CALN1: variants seen among roughly 807,000 people sequenced by gnomAD.
The protein encoded by CALN1 is calneuron 1.
In CALN1, 17 loss-of-function variants were observed where a neutral mutation model predicts 30.6. The ratio of observed to expected loss-of-function variants is 0.56; its 90% confidence interval spans 0.38 to 0.83. The LOEUF (loss-of-function observed/expected upper bound fraction) is 0.83. Among genes scored for constraint, CALN1 ranks in the 40% least tolerant of loss-of-function variants. CALN1 has a pLI of 0.00. For synonymous variants in CALN1, 156 were observed against 131.4 expected, an observed-to-expected ratio of 1.19 and a Z score of -1.28; for missense variants, 291 against 354.9, an observed-to-expected ratio of 0.82 and a Z score of 1.45.
chr7:71,929,779 T>C (rs1368330108), intron 5 of CALN1, among the ~76,000 whole-genome samples: 1 of 152,210 alleles, frequency 6.6e-6, no homozygotes, highest in African/African-American at 2.4e-5. Context: ...ATGGAGTATA[T>C]GGTAATTGTT....
intron 4 of CALN1, among the ~76,000 whole-genome samples, chr7:72,036,566 G>C (rs372314332): frequency 6.8e-4 from 103 of 151,900 alleles, no homozygotes; most frequent in African/African-American, 2.4e-3. Flanking sequence ...AATTTCCTTT[G>C]TCCTATCTTC....
intron 2 of CALN1, among the ~76,000 whole-genome samples, chr7:72,381,298 A>G (rs1804885477): frequency 6.6e-6 from 1 of 152,198 alleles, no homozygotes; most frequent in Non-Finnish European, 1.5e-5. Flanking sequence ...AGGATCGAGA[A>G]CCAGAAATAC....
chr7:72,104,429 T>C (rs1371301798), intron 4 of CALN1, among the ~76,000 whole-genome samples: 1 of 152,180 alleles, frequency 6.6e-6, no homozygotes, highest in Non-Finnish European at 1.5e-5. Flanking sequence ...GGGGTCCATG[T>C]GCAGGATGTG....
intron 4 of CALN1, among the ~76,000 whole-genome samples, chr7:72,074,827 C>G (rs181662642): frequency 1.2e-3 from 180 of 152,310 alleles, no homozygotes; most frequent in Non-Finnish European, 1.5e-3. Flanking sequence ...AGATGTCTAC[C>G]ATGTGTAGGA....
At chr7:72,422,655 T>G (rs1033300922) in intron 1 of CALN1, among the ~76,000 whole-genome samples, 2 of 152,224 alleles carry the variant, frequency 1.3e-5, no homozygotes, top group African/African-American at 4.8e-5. Flanking sequence ...AAATTGTCAT[T>G]TACCTGTTTC....
intron 3 of CALN1, among the ~76,000 whole-genome samples, chr7:72,191,308 G>T (rs1255717654): frequency 6.6e-6 from 1 of 152,060 alleles, no homozygotes; most frequent in Admixed American, 6.6e-5. Context: ...AGAAATGAAG[G>T]ATGGCAGAGG....
intron 3 of CALN1, among the ~76,000 whole-genome samples, chr7:72,190,971 TTC>T (rs1434403692): frequency 1.3e-5 from 2 of 152,224 alleles, no homozygotes; most frequent in Admixed American, 1.3e-4. Flanking sequence ...CCATTTCTAA[TTC>T]TGTTATATCT....
chr7:71,945,723 G>A (rs959628994), intron 5 of CALN1, among the ~76,000 whole-genome samples: 8 of 152,186 alleles, frequency 5.3e-5, no homozygotes, highest in African/African-American at 1.7e-4. Context: ...CTAGCTGCAG[G>A]AAAACAGGCT....
chr7:72,275,927 A>G (rs1797303601), intron 3 of CALN1, among the ~76,000 whole-genome samples: 1 of 152,126 alleles, frequency 6.6e-6, no homozygotes, highest in Non-Finnish European at 1.5e-5. Flanking sequence ...ATGCACCCCC[A>G]CAGTAGCCCT....
intron 1 of CALN1, among the ~76,000 whole-genome samples, chr7:72,427,323 G>C (rs1439747051): frequency 1.3e-5 from 2 of 152,066 alleles, no homozygotes; most frequent in African/African-American, 4.8e-5. Context: ...ATTTTCCTTA[G>C]CTCAACTAGG....
the CALN1 span, among the ~76,000 whole-genome samples, chr7:72,463,626 C>T: frequency 6.6e-6 from 1 of 152,138 alleles, no homozygotes; most frequent in South Asian, 2.1e-4. Context: ...GCAGTGCAAT[C>T]ACAGCCCACT....
intron 5 of CALN1, among the ~76,000 whole-genome samples, chr7:71,848,601 G>C (rs1318067040): frequency 6.6e-6 from 1 of 152,002 alleles, no homozygotes; most frequent in African/African-American, 2.4e-5. Flanking sequence ...CATCTGTTTT[G>C]TGTTCTCAAT....
At chr7:72,470,071 A>G in the CALN1 span, among the ~76,000 whole-genome samples, 55,414 of 151,986 alleles carry the variant, frequency 0.36, 11,122 homozygotes, top group African/African-American at 0.49. Flanking sequence ...TGAGACACTA[A>G]ACATGTGACT....
chr7:72,274,808 G>A (rs1178657410), intron 3 of CALN1, among the ~76,000 whole-genome samples: 3 of 152,110 alleles, frequency 2.0e-5, no homozygotes, highest in Non-Finnish European at 4.4e-5. Flanking sequence ...ATGAATGACT[G>A]TCTCCATCAA....
intron 2 of CALN1, among the ~76,000 whole-genome samples, chr7:72,344,461 T>C (rs1401811561): frequency 3.3e-5 from 5 of 151,446 alleles, no homozygotes; most frequent in African/African-American, 7.3e-5. Flanking sequence ...AAAGAAAACT[T>C]TGTATATGGG....
chr7:72,374,295 G>A (rs533212233), intron 2 of CALN1, among the ~76,000 whole-genome samples: 4 of 152,250 alleles, frequency 2.6e-5, no homozygotes, highest in Admixed American at 1.3e-4. Flanking sequence ...TTGGGAGGCC[G>A]AGGCAGACAG....
intron 5 of CALN1, among the ~76,000 whole-genome samples, chr7:71,857,016 A>ATG (rs200594767): frequency 0.21 from 29,780 of 142,138 alleles, 3,261 homozygotes; most frequent in Middle Eastern, 0.32. Context: ...GTGTATATGT[A>ATG]TGTGTGTGTG....
intron 5 of CALN1, among the ~76,000 whole-genome samples, chr7:71,933,829 G>A (rs1795686599): frequency 6.6e-6 from 1 of 152,186 alleles, no homozygotes; most frequent in South Asian, 2.1e-4. Flanking sequence ...GCTAGGTTCG[G>A]AGCAGTATTG....
At chr7:71,853,160 T>A (rs1001353392) in intron 5 of CALN1, among the ~76,000 whole-genome samples, 1 of 152,036 alleles carries the variant, frequency 6.6e-6, no homozygotes, top group South Asian at 2.1e-4. Context: ...CACAGCAGCT[T>A]CTAATTTCTG....
Sources: allele counts gnomAD v4.1 joint callset (sites outside exome capture counted in the v4.1 genomes callset), GRCh38; gene constraint gnomAD v4.1.1; transcripts MANE v1.5; gene names NCBI Gene and HGNC (gene_info 2026-07-23, HGNC 2026-07-21).